Variants in RXFP1 observed in about 807,000 individuals in gnomAD.
RXFP1 encodes the protein relaxin receptor 1.
In RXFP1, 73 loss-of-function variants were observed where a neutral mutation model predicts 89.8. The observed-to-expected ratio is 0.81, with a 90% CI of 0.67 to 0.99. The LOEUF (loss-of-function observed/expected upper bound fraction) is 0.99, where lower values mean the gene tolerates loss of function less well. Ranked by LOEUF, RXFP1 falls within the 50% of genes least tolerant of loss-of-function variation. RXFP1 has a pLI of 0.00. For synonymous variants in RXFP1, 277 were observed against 305.5 expected, an observed-to-expected ratio of 0.91 and a Z score of 0.97; for missense variants, 793 against 895.5, an observed-to-expected ratio of 0.89 and a Z score of 1.46.
intron 12 of RXFP1, among the ~76,000 whole-genome samples, chr4:158,634,105 T>G (rs1768648221): frequency 6.6e-6 from 1 of 152,240 alleles, no homozygotes; most frequent in African/African-American, 2.4e-5. Flanking sequence ...CATTCTGTTT[T>G]CCATAGGAGT....
At chr4:158,600,112 T>C (rs1761401420) in intron 4 of RXFP1, among the ~76,000 whole-genome samples, 1 of 152,202 alleles carries the variant, frequency 6.6e-6, no homozygotes, top group African/African-American at 2.4e-5. Context: ...AAGAAATTAG[T>C]GGAGGACAGC....
At position 158,560,309 on chromosome 4, in the gene RXFP1, G is replaced by T. The variant is rs936092; in HGVS notation, c.50-12389G>T. On this transcript the variant is annotated intron_variant, in intron 1 of 17. Coordinates refer to ENST00000307765, the MANE Select transcript of RXFP1 (RefSeq NM_021634.4). ...GATTTTTTTCCCAATCAGCCCAACA[G>T]GGACCACTCATCCCACCAAGCCTGA... Among the ~76,000 whole-genome samples, 1,238 of 152,256 alleles carry T rather than the reference G, an allele frequency of 8.1e-3. 12 individuals carry two copies. The highest frequency in any genetic ancestry group is 0.025 in the African/African-American group (1,037 of 41,558).
At chr4:158,545,180 G>A (rs1747953969) in intron 1 of RXFP1, among the ~76,000 whole-genome samples, 2 of 151,582 alleles carry the variant, frequency 1.3e-5, no homozygotes, top group African/African-American at 4.9e-5. Flanking sequence ...GTTTTGATTT[G>A]CATTTCTCTG....
intron 1 of RXFP1, among the ~76,000 whole-genome samples, chr4:158,569,930 G>A (rs563337364): frequency 2.6e-5 from 4 of 152,096 alleles, no homozygotes; most frequent in Non-Finnish European, 5.9e-5. Context: ...GGTTAAAGTG[G>A]ACTGCTTTTT....
chr4:158,607,230 C>A, intron 5 of RXFP1: 1 of 833,510 alleles, frequency 1.2e-6, no homozygotes, highest in South Asian at 1.5e-5. Flanking sequence ...AACTCAAGGT[C>A]GTATTTTCAG....
At chr4:158,610,597 G>A in intron 6 of RXFP1, 2 of 1,025,988 alleles carry the variant, frequency 1.9e-6, no homozygotes, top group South Asian at 2.7e-5. Context: ...AACCAAAATT[G>A]CTATTATGGT....
chr4:158,590,685 GA>G (rs1759270816), intron 2 of RXFP1, among the ~76,000 whole-genome samples: 1 of 152,256 alleles, frequency 6.6e-6, no homozygotes, highest in Admixed American at 6.5e-5. Flanking sequence ...ATAATAACAT[GA>G]TTGCCGTTAT....
chr4:158,555,645 GA>G (rs1751111834), intron 1 of RXFP1, among the ~76,000 whole-genome samples: 4 of 152,120 alleles, frequency 2.6e-5, no homozygotes, highest in South Asian at 4.1e-4. Context: ...TTCATTCTTA[GA>G]AAAAAGATTC....
At chr4:158,650,093 TAG>T (rs1772358920) in intron 17 of RXFP1, among the ~76,000 whole-genome samples, 1 of 152,370 alleles carries the variant, frequency 6.6e-6, no homozygotes, top group South Asian at 2.1e-4. Flanking sequence ...TGCTGCAATA[TAG>T]ATGAACCTTG....
At chr4:158,612,859 T>C (rs1763831045) in intron 8 of RXFP1, among the ~76,000 whole-genome samples, 1 of 152,198 alleles carries the variant, frequency 6.6e-6, no homozygotes. Context: ...TCCACCCATC[T>C]TGGCCTCCCA....
At chr4:158,573,520 C>G (rs1180404279) in intron 2 of RXFP1, among the ~76,000 whole-genome samples, 1 of 151,938 alleles carries the variant, frequency 6.6e-6, no homozygotes, top group Non-Finnish European at 1.5e-5. Context: ...AGCTCATCAG[C>G]TATCATTAAT....
intron 1 of RXFP1, among the ~76,000 whole-genome samples, chr4:158,531,354 C>T (rs1743999023): frequency 6.6e-6 from 1 of 152,226 alleles, no homozygotes; most frequent in African/African-American, 2.4e-5. Flanking sequence ...CTGTTTCTCT[C>T]TCTTTGATCC....
chr4:158,588,090 G>T lies in RXFP1; in HGVS notation c.188-5311G>T, dbSNP rs142950123. 3.1e-3 allele frequency among the ~76,000 whole-genome samples: 470 copies of T among 152,246 alleles called. 1 individual carries two copies. Among genetic ancestry groups the T allele is most frequent in the African/African-American group, 0.011 (452 of 41,548 alleles). On this transcript the variant is annotated intron_variant, in intron 2 of 17. Coordinates refer to ENST00000307765, the MANE Select transcript of RXFP1 (RefSeq NM_021634.4). ...AACCTGACAGCCAAGGAAATATATGGTGATTCCGGAGCCCAGTAGAACAGA... is the reference window on the plus strand; with the variant it reads ...AACCTGACAGCCAAGGAAATATATGTTGATTCCGGAGCCCAGTAGAACAGA...
At position 158,544,954 on chromosome 4, in the gene RXFP1, T is replaced by G. The variant is rs575320924; in HGVS notation, c.49+22929T>G. Among the ~76,000 whole-genome samples the G allele has an allele frequency of 9.7e-3, 1,482 of 152,146 alleles. 24 individuals carry two copies. Among genetic ancestry groups the G allele is most frequent in the African/African-American group, 0.034 (1,411 of 41,484 alleles). ...GCAGCATGATTTATAATCCTTTGGG[T>G]ATATACCCAGTAATGGGATGGCTGG... is the stretch of plus-strand genomic sequence containing the variant. On this transcript the variant is annotated intron_variant, in intron 1 of 17. Coordinates refer to ENST00000307765, the MANE Select transcript of RXFP1 (RefSeq NM_021634.4).
At chr4:158,572,267 C>A (rs1755245474) in intron 1 of RXFP1, among the ~76,000 whole-genome samples, 3 of 152,184 alleles carry the variant, frequency 2.0e-5, no homozygotes, top group Admixed American at 6.5e-5. Context: ...CAGGGTGAGA[C>A]AATGAACCAC....
At chr4:158,567,816 A>C (rs1004507761) in intron 1 of RXFP1, among the ~76,000 whole-genome samples, 2 of 152,198 alleles carry the variant, frequency 1.3e-5, no homozygotes, top group Non-Finnish European at 2.9e-5. Flanking sequence ...AAACGGACCA[A>C]TCAGCAGGAT....
chr4:158,596,998 T>C, intron 3 of RXFP1, among the ~76,000 whole-genome samples: 1 of 152,154 alleles, frequency 6.6e-6, no homozygotes, highest in Non-Finnish European at 1.5e-5. Context: ...ATTTTTTTCA[T>C]CAGTACTTAA....
intron 1 of RXFP1, among the ~76,000 whole-genome samples, chr4:158,537,573 G>A (rs1398353230): frequency 3.9e-5 from 6 of 152,166 alleles, no homozygotes; most frequent in East Asian, 1.9e-4. Flanking sequence ...AGAACTTCAC[G>A]ACACCATTAT....
intron 2 of RXFP1, among the ~76,000 whole-genome samples, chr4:158,580,617 C>T (rs1227090839): frequency 1.3e-5 from 2 of 152,096 alleles, no homozygotes; most frequent in Non-Finnish European, 2.9e-5. Context: ...AACATTTTCC[C>T]ACGTAAAGTT....
Sources: gnomAD v4.1 joint callset for allele counts (sites outside exome capture counted in the v4.1 genomes callset) on GRCh38, gnomAD v4.1.1 for gene constraint, MANE v1.5 for transcripts, NCBI Gene and HGNC (gene_info 2026-07-23, HGNC 2026-07-21) for gene names.